CDC42: variants seen among roughly 807,000 people sequenced by gnomAD.
The protein encoded by CDC42 is cell division control protein 42 homolog.
CDC42 carries 1 observed loss-of-function variant against 20.8 expected under a neutral mutation model. The ratio of observed to expected loss-of-function variants is 0.05; its 90% CI spans 0.02 to 0.23. The LOEUF is 0.23. Ranked by LOEUF, CDC42 falls within the 10% of genes least tolerant of loss-of-function variation. CDC42 has a pLI of 1.00. For synonymous variants in CDC42, 72 were observed against 84.8 expected (o/e 0.85, Z 0.83); for missense variants, 49 against 227.9 (o/e 0.21, Z 5.05).
intron 1 of CDC42, among the ~76,000 whole-genome samples, chr1:22,060,169 C>A: frequency 6.6e-6 from 1 of 151,972 alleles, no homozygotes; most frequent in Admixed American, 6.6e-5. Flanking sequence ...TGGTGAAACC[C>A]CGTCTTTACT....
intron 3 of CDC42, among the ~76,000 whole-genome samples, chr1:22,085,526 A>G (rs969378574): frequency 1.3e-5 from 2 of 152,208 alleles, no homozygotes; most frequent in Non-Finnish European, 2.9e-5. Flanking sequence ...CATGTCAACA[A>G]TATTAAGTCT....
intron 1 of CDC42, among the ~76,000 whole-genome samples, chr1:22,073,326 C>T (rs1180658163): frequency 6.6e-6 from 1 of 152,058 alleles, no homozygotes; most frequent in Non-Finnish European, 1.5e-5. Flanking sequence ...CACCTGAGGT[C>T]AGGATTTTGA....
At chr1:22,068,285 ATGC>A (rs1645446317) in intron 1 of CDC42, 2 of 153,382 alleles carry the variant, frequency 1.3e-5, no homozygotes, top group Middle Eastern at 3.4e-3. Flanking sequence ...GTTACAAAAC[ATGC>A]TGCTAACTTT....
intron 3 of CDC42, among the ~76,000 whole-genome samples, chr1:22,084,335 G>GTTTTTTTTTTTTTTT (rs61584354): frequency 2.1e-4 from 17 of 80,692 alleles, no homozygotes; most frequent in Non-Finnish European, 3.8e-4. Flanking sequence ...CTTATTTCCT[G>GTTTTTTTTTTTTTTT]TTTTTTTTTT....
At chr1:22,059,810 C>G (rs978452714) in intron 1 of CDC42, 1 of 152,140 alleles carries the variant, frequency 6.6e-6, no homozygotes, top group Non-Finnish European at 1.5e-5. Context: ...TCCCAAAGTG[C>G]TGGGATTACA....
rs919323070 is a variant in CDC42, at chr1:22,100,107, G to C, written c.*8590G>C. The stretch of plus-strand genomic sequence containing the variant: ...TTTGGTGAGAAAGTTGCACCTTAGT[G>C]AATACCCAAGGTCTGAGGGAGGCTT... On this transcript the variant is annotated 3_prime_UTR_variant, in exon 6 of 6. Coordinates refer to ENST00000656825, the MANE Select transcript of CDC42 (RefSeq NM_001791.4). 6.7e-6 allele frequency among the ~76,000 whole-genome samples: 1 copy of C among 148,434 alleles called. No homozygotes were observed. Among genetic ancestry groups the C allele is most frequent in the Non-Finnish European group, 1.5e-5 (1 of 67,562 alleles).
Position 22,061,524 on chromosome 1 carries a change from GTTTC to G in CDC42, c.-51+8790_-51+8793del, listed in dbSNP as rs199532474. On this transcript the variant is annotated intron_variant, in intron 1 of 5. Coordinates refer to ENST00000656825, the MANE Select transcript of CDC42 (RefSeq NM_001791.4). ...AGACGGTCAATCAGTTTAACTTCAT[GTTTC>G]TTTCTTTTTTTTTTTTTTTTTTTTT... Among the ~76,000 whole-genome samples, 137 of 40,616 alleles carry G rather than the reference GTTTC, an allele frequency of 3.4e-3. 2 individuals carry two copies. Among genetic ancestry groups the G allele is most frequent in the Middle Eastern group, 0.012 (1 of 86 alleles). 26.6% of individuals were successfully genotyped at this position (40,616 alleles called of 152,430 possible). A position where few individuals can be genotyped will look rare whatever the true frequency, so the allele number is the denominator to read the frequency against.
chr1:22,086,461 A>G lies in CDC42; in HGVS notation c.201A>G (p.Leu67=). ...TAGGGCAAGAGGATTATGACAGATT[A>G]CGACCGCTGAGTTATCCACAAACAG... The part of the protein sequence containing the change: ...DTAGQEDYDR[L]RPLSYPQTDV... Residue 67 remains leucine (L), a synonymous_variant, in exon 4 of 6, where the codon TTA becomes TTG. Transcript: ENST00000656825. The G allele has an allele frequency of 6.2e-7, 1 of 1,603,346 alleles. No homozygotes were observed. The highest frequency in any genetic ancestry group is 8.5e-7 in the Non-Finnish European group (1 of 1,171,936).
At chr1:22,066,124 C>G (rs1307965343) in intron 1 of CDC42, among the ~76,000 whole-genome samples, 1 of 152,072 alleles carries the variant, frequency 6.6e-6, no homozygotes, top group Admixed American at 6.6e-5. Context: ...TTTTCTTGCC[C>G]TTAATATACT....
chr1:22,065,881 C>T (rs890591867), intron 1 of CDC42, among the ~76,000 whole-genome samples: 24 of 152,034 alleles, frequency 1.6e-4, no homozygotes, highest in Non-Finnish European at 3.2e-4. Flanking sequence ...GCCTCAGCCT[C>T]CCGAGTAGCT....
At chr1:22,085,447 A>G (rs932140493) in intron 3 of CDC42, among the ~76,000 whole-genome samples, 2 of 152,068 alleles carry the variant, frequency 1.3e-5, no homozygotes, top group African/African-American at 4.8e-5. Flanking sequence ...TTGTTTCAAG[A>G]TTACTATCCC....
chr1:22,080,246 G>A (rs1645594249), intron 2 of CDC42, among the ~76,000 whole-genome samples: 1 of 152,216 alleles, frequency 6.6e-6, no homozygotes, highest in Non-Finnish European at 1.5e-5. Context: ...ATGGAAGCCA[G>A]CTTTTCTGAT....
chr1:22,080,929 G>A (rs922329746), intron 2 of CDC42, among the ~76,000 whole-genome samples: 2 of 152,156 alleles, frequency 1.3e-5, no homozygotes, highest in Admixed American at 1.3e-4. Context: ...CCAGGACTTT[G>A]GGAGGCCGAG....
chr1:22,080,462 C>G (rs980741121), intron 2 of CDC42, among the ~76,000 whole-genome samples: 3 of 152,170 alleles, frequency 2.0e-5, no homozygotes, highest in African/African-American at 4.8e-5. Flanking sequence ...TAAATAAGCT[C>G]TGGAACAATC....
At chr1:22,071,556 C>T (rs938273234) in intron 1 of CDC42, among the ~76,000 whole-genome samples, 1 of 152,120 alleles carries the variant, frequency 6.6e-6, no homozygotes, top group Admixed American at 6.6e-5. Flanking sequence ...AAAAATTGTA[C>T]GTTAGATATG....
intron 3 of CDC42, among the ~76,000 whole-genome samples, chr1:22,084,401 G>A (rs1403221216): frequency 8.4e-6 from 1 of 119,220 alleles, no homozygotes; most frequent in African/African-American, 3.2e-5. Flanking sequence ...GTATCTAATT[G>A]TGGTTTTGAT....
intron 3 of CDC42, among the ~76,000 whole-genome samples, chr1:22,083,850 T>G (rs1645632873): frequency 6.6e-6 from 1 of 152,214 alleles, no homozygotes; most frequent in Non-Finnish European, 1.5e-5. Flanking sequence ...CTGCTTTCTT[T>G]GTTTCTACTG....
At chr1:22,082,810 C>G (rs1034915726) in intron 3 of CDC42, among the ~76,000 whole-genome samples, 1 of 151,688 alleles carries the variant, frequency 6.6e-6, no homozygotes, top group Non-Finnish European at 1.5e-5. Flanking sequence ...AAACAATGAC[C>G]CATAATGTCA....
At chr1:22,082,347 G>A (rs1422081770) in intron 3 of CDC42, among the ~76,000 whole-genome samples, 1 of 152,170 alleles carries the variant, frequency 6.6e-6, no homozygotes, top group African/African-American at 2.4e-5. Context: ...ATTTTAAACT[G>A]TATCTGAAAA....
Sources: allele counts gnomAD v4.1 joint callset (sites outside exome capture counted in the v4.1 genomes callset), GRCh38; gene constraint gnomAD v4.1.1; transcripts MANE v1.5; gene names NCBI Gene and HGNC (gene_info 2026-07-23, HGNC 2026-07-21).